Variants in OCA2 observed in about 807,000 individuals in gnomAD.
The protein encoded by OCA2 is P protein.
A neutral mutation model predicts 100.2 loss-of-function variants in OCA2; 77 were observed. The ratio of observed to expected loss-of-function variants is 0.77; its 90% CI spans 0.64 to 0.93. The LOEUF is 0.93. Ranked by LOEUF, OCA2 falls within the 40% of genes least tolerant of loss-of-function variation. The pLI, the probability that OCA2 is intolerant of heterozygous loss-of-function variation, is 0.00. For synonymous variants in OCA2, 432 were observed against 439.2 expected (o/e 0.98, Z 0.21); for missense variants, 1,062 against 1,089.1 (o/e 0.98, Z 0.35).
chr15:27,863,318 C>A (rs1224728545), intron 21 of OCA2, among the ~76,000 whole-genome samples: 1 of 152,164 alleles, frequency 6.6e-6, no homozygotes, highest in Non-Finnish European at 1.5e-5. Context: ...CAGGTAAGCA[C>A]AGGGAAGGCT....
intron 19 of OCA2, among the ~76,000 whole-genome samples, chr15:27,875,178 AC>A (rs1318759186): frequency 6.6e-6 from 1 of 152,218 alleles, no homozygotes; most frequent in Non-Finnish European, 1.5e-5. Context: ...GAGTAAAACT[AC>A]AAATCAACTC....
the OCA2 span, among the ~76,000 whole-genome samples, chr15:27,735,460 G>A: frequency 7.2e-5 from 11 of 151,958 alleles, no homozygotes; most frequent in East Asian, 1.9e-4. Context: ...AAATAATAGC[G>A]GAAAACTTTT....
chr15:28,048,353 A>T (rs2043404603), intron 2 of OCA2, among the ~76,000 whole-genome samples: 1 of 152,194 alleles, frequency 6.6e-6, no homozygotes, highest in South Asian at 2.1e-4. Flanking sequence ...ACTTACTACA[A>T]TGGAATACAA....
intron 18 of OCA2, among the ~76,000 whole-genome samples, chr15:27,943,227 C>T (rs527492326): frequency 2.0e-5 from 3 of 152,204 alleles, no homozygotes; most frequent in South Asian, 4.2e-4. Context: ...GGGGGTCAGC[C>T]GTGCCTCACT....
chr15:27,902,685 C>A (rs1198910744), intron 19 of OCA2, among the ~76,000 whole-genome samples: 2 of 152,144 alleles, frequency 1.3e-5, no homozygotes. Flanking sequence ...GAAGTGCCAC[C>A]AGGGAAACAG....
At chr15:27,997,130 A>AAG (rs1566776071) in intron 9 of OCA2, among the ~76,000 whole-genome samples, 27 of 36,350 alleles carry the variant, frequency 7.4e-4, no homozygotes, top group Non-Finnish European at 6.7e-3. Context: ...GAAGGAAGGA[A>AAG]GAAGGAAGGA....
chr15:27,971,112 G>T (rs565817049), intron 14 of OCA2, among the ~76,000 whole-genome samples: 2 of 149,642 alleles, frequency 1.3e-5, no homozygotes, highest in South Asian at 4.3e-4. Flanking sequence ...GTGAGAACAC[G>T]GAAAGAACCT....
In OCA2 at chr15:27,955,197, G is replaced by A. The variant is rs139844766; in HGVS notation, c.1803C>T (p.Asp601=). The change falls in exon 17 of 24, where the codon GAC becomes GAT. Residue 601 remains aspartate (D), a synonymous_variant. Transcript: ENST00000354638. ...HTFHRQISQE[D]KNWETNIQEL... ...CTTGGATATTGGTCTCCCAATTTTT[G>A]TCCTCCTGTGAGATCTGTCTAAAAG... The A allele has an allele frequency of 4.3e-6, 7 of 1,611,778 alleles. No individual in the cohort carries two copies. Among genetic ancestry groups the A allele is most frequent in the Non-Finnish European group, 4.2e-6 (5 of 1,177,964 alleles).
At chr15:27,870,894 C>T (rs1374275633) in intron 21 of OCA2, among the ~76,000 whole-genome samples, 3 of 152,080 alleles carry the variant, frequency 2.0e-5, no homozygotes, top group Admixed American at 2.0e-4. Flanking sequence ...TGGCAGCTCT[C>T]AGTGGGGCTG....
intron 23 of OCA2, among the ~76,000 whole-genome samples, chr15:27,815,122 A>T (rs2034246796): frequency 6.6e-6 from 1 of 152,154 alleles, no homozygotes; most frequent in African/African-American, 2.4e-5. Context: ...CAGTAAGATA[A>T]CAGAAAGTAA....
chr15:27,803,993 T>C (rs998905891), intron 23 of OCA2, among the ~76,000 whole-genome samples: 4 of 152,222 alleles, frequency 2.6e-5, no homozygotes, highest in South Asian at 2.1e-4. Flanking sequence ...ATGTCAGCTA[T>C]TGGATTGTGG....
At chr15:27,833,897 G>A (rs1212004181) in intron 23 of OCA2, among the ~76,000 whole-genome samples, 1 of 152,150 alleles carries the variant, frequency 6.6e-6, no homozygotes, top group African/African-American at 2.4e-5. Flanking sequence ...CCACCATCAA[G>A]CAACGCAGGC....
intron 2 of OCA2, among the ~76,000 whole-genome samples, chr15:28,032,761 C>G (rs1404420077): frequency 2.7e-5 from 4 of 148,772 alleles, no homozygotes; most frequent in Non-Finnish European, 5.9e-5. Flanking sequence ...CCACTGCACT[C>G]CAGCCTGGGT....
intron 2 of OCA2, among the ~76,000 whole-genome samples, chr15:28,077,334 C>T (rs2044465091): frequency 6.6e-6 from 1 of 152,194 alleles, no homozygotes; most frequent in East Asian, 1.9e-4. Context: ...GCTGGGATTA[C>T]AGGCATGAGC....
At chr15:28,096,441 G>A (rs2044984915) in intron 1 of OCA2, among the ~76,000 whole-genome samples, 1 of 152,208 alleles carries the variant, frequency 6.6e-6, no homozygotes, top group African/African-American at 2.4e-5. Context: ...TGCATTTGAA[G>A]CATTCCTTCT....
intron 9 of OCA2, among the ~76,000 whole-genome samples, chr15:27,994,989 G>A (rs1566773032): frequency 6.6e-6 from 1 of 152,088 alleles, no homozygotes; most frequent in East Asian, 1.9e-4. Context: ...AAAATAGACT[G>A]TAAGTCAAAA....
At chr15:27,826,701 A>G (rs181515085) in intron 23 of OCA2, among the ~76,000 whole-genome samples, 2 of 152,268 alleles carry the variant, frequency 1.3e-5, no homozygotes, top group African/African-American at 4.8e-5. Context: ...TACCTTGCAA[A>G]TGGGGGTGGC....
chr15:28,029,387 C>T (rs1198448178), intron 3 of OCA2, among the ~76,000 whole-genome samples: 1 of 151,984 alleles, frequency 6.6e-6, no homozygotes, highest in Non-Finnish European at 1.5e-5. Flanking sequence ...CTGAAAAAAA[C>T]ACAACTGTAA....
the OCA2 span, among the ~76,000 whole-genome samples, chr15:27,724,378 G>C: frequency 6.6e-6 from 1 of 152,074 alleles, no homozygotes; most frequent in Non-Finnish European, 1.5e-5. Flanking sequence ...TCACCCCTCT[G>C]TGCACATCGG....
Sources: gnomAD v4.1 joint callset for allele counts (sites outside exome capture counted in the v4.1 genomes callset) on GRCh38, gnomAD v4.1.1 for gene constraint, MANE v1.5 for transcripts, NCBI Gene and HGNC (gene_info 2026-07-23, HGNC 2026-07-21) for gene names.